LRRC8C: variants seen among roughly 807,000 people sequenced by gnomAD.
LRRC8C encodes the protein leucine rich repeat containing 8 VRAC subunit C, also known as volume-regulated anion channel subunit LRRC8C.
LRRC8C carries 20 observed loss-of-function variants against 55.3 expected under a neutral mutation model. The ratio of observed to expected loss-of-function variants is 0.36; its 90% CI spans 0.25 to 0.53. The LOEUF is 0.53. Among genes scored for constraint, LRRC8C ranks in the 20% least tolerant of loss-of-function variants. The probability of loss-of-function intolerance (pLI) is 0.92; values close to 1 mark genes in which losing one functional copy is unlikely to be tolerated. For missense variants in LRRC8C, 659 were observed against 951.4 expected, an observed-to-expected ratio of 0.69 and a Z score of 4.04; for synonymous variants, 376 against 360.7, an observed-to-expected ratio of 1.04 and a Z score of -0.48.
At chr1:89,681,951 G>A (rs1657725762) in intron 1 of LRRC8C, among the ~76,000 whole-genome samples, 1 of 152,198 alleles carries the variant, frequency 6.6e-6, no homozygotes, top group Non-Finnish European at 1.5e-5. Context: ...GCCGAGGTGA[G>A]CAGATCACGA....
chr1:89,644,480 G>A (rs148114002), intron 1 of LRRC8C, among the ~76,000 whole-genome samples: 254 of 152,342 alleles, frequency 1.7e-3, no homozygotes, highest in Middle Eastern at 3.4e-3. Flanking sequence ...GCATGGGAAT[G>A]CAACCAAAGC....
intron 1 of LRRC8C, among the ~76,000 whole-genome samples, chr1:89,681,468 A>T (rs7524636): frequency 0.97 from 147,930 of 152,292 alleles, 71,988 homozygotes; most frequent in Middle Eastern, 1. Context: ...TCTGTGTATT[A>T]GTCTGTCCTC....
chr1:89,618,086 C>A, the LRRC8C span, among the ~76,000 whole-genome samples: 1 of 152,154 alleles, frequency 6.6e-6, no homozygotes, highest in African/African-American at 2.4e-5. Flanking sequence ...TAAACTCAGT[C>A]TCCAGCCCCC....
At chr1:89,628,014 A>G in the LRRC8C span, among the ~76,000 whole-genome samples, 1 of 152,202 alleles carries the variant, frequency 6.6e-6, no homozygotes, top group Non-Finnish European at 1.5e-5. Context: ...TTCTGGTCCC[A>G]AGGAATTTGG....
the LRRC8C span, among the ~76,000 whole-genome samples, chr1:89,617,015 G>C: frequency 0.094 from 14,333 of 152,154 alleles, 2,199 homozygotes; most frequent in African/African-American, 0.33. Flanking sequence ...TCCCTCTGTT[G>C]CTATGTTTTA....
At chr1:89,664,632 T>A (rs566272782) in intron 1 of LRRC8C, among the ~76,000 whole-genome samples, 31 of 152,320 alleles carry the variant, frequency 2.0e-4, no homozygotes, top group African/African-American at 6.3e-4. Flanking sequence ...TGAGCTCTTT[T>A]TTGGTTCCAT....
At chr1:89,635,403 T>G (rs950059660) in intron 1 of LRRC8C, among the ~76,000 whole-genome samples, 2 of 152,184 alleles carry the variant, frequency 1.3e-5, no homozygotes, top group Admixed American at 6.5e-5. Context: ...TCTAGCTGCA[T>G]GCTAGATACC....
intron 1 of LRRC8C, among the ~76,000 whole-genome samples, chr1:89,637,940 A>G (rs1034180559): frequency 6.6e-6 from 1 of 152,168 alleles, no homozygotes; most frequent in Non-Finnish European, 1.5e-5. Flanking sequence ...TCTAAGTCTA[A>G]CATTCGGTGT....
At chr1:89,702,780 A>G (rs1477180379) in intron 2 of LRRC8C, among the ~76,000 whole-genome samples, 1 of 152,148 alleles carries the variant, frequency 6.6e-6, no homozygotes, top group Non-Finnish European at 1.5e-5. Flanking sequence ...CAATCAATAA[A>G]GTAGGTAGAT....
chr1:89,636,894 G>A lies in LRRC8C; in HGVS notation c.-5+3572G>A, dbSNP rs376680743. Among the ~76,000 whole-genome samples the A allele has an allele frequency of 2.0e-5, 3 of 152,136 alleles. No individual in the cohort carries two copies. In the East Asian group the frequency reaches 5.8e-4, roughly 29 times the overall value. Reference sequence around the variant, plus strand: ...AAAGACTATAAACTCTTTGACGTCAGGGATTTTTAAAAAATTTCTTTATAT... The same window carrying A: ...AAAGACTATAAACTCTTTGACGTCAAGGATTTTTAAAAAATTTCTTTATAT... On this transcript the variant is annotated intron_variant, in intron 1 of 2. Coordinates refer to ENST00000370454, the MANE Select transcript of LRRC8C (RefSeq NM_032270.5).
chr1:89,650,461 A>T (rs745340709), intron 1 of LRRC8C, among the ~76,000 whole-genome samples: 1 of 151,898 alleles, frequency 6.6e-6, no homozygotes, highest in Non-Finnish European at 1.5e-5. Context: ...CCAAAAATCT[A>T]CAAGACTGGA....
In LRRC8C at chr1:89,659,053, TTTTTTTTTTGTGTGTG is replaced by T. The variant is rs1322775129; in HGVS notation, c.-5+25733_-5+25748del. Among the ~76,000 whole-genome samples the T allele has an allele frequency of 5.9e-4, 35 of 59,368 alleles. 2 individuals carry two copies. The highest frequency in any genetic ancestry group is 3.0e-3 in the Admixed American group (18 of 5,938). 38.9% of individuals were successfully genotyped at this position (59,368 alleles called of 152,430 possible). A position where few individuals can be genotyped will look rare whatever the true frequency, so the allele number is the denominator to read the frequency against. On this transcript the variant is annotated intron_variant, in intron 1 of 2. Transcript: ENST00000370454. ...TTAGGTTGTGTCTTCTCCAGGTTTT[TTTTTTTTTTGTGTGTG>T]TGTGTGTGTGTGTGTGTGTGTGTGT...
chr1:89,616,155 T>G, the LRRC8C span, among the ~76,000 whole-genome samples: 15 of 152,092 alleles, frequency 9.9e-5, no homozygotes, highest in Admixed American at 6.6e-5. Context: ...ATATGCCAGG[T>G]CCTTCATGTT....
intron 2 of LRRC8C, among the ~76,000 whole-genome samples, chr1:89,709,812 C>T (rs1182848546): frequency 1.4e-5 from 2 of 147,836 alleles, no homozygotes; most frequent in African/African-American, 5.0e-5. Context: ...AGTGCAGTGG[C>T]GCGATCTCGG....
rs1658901921 is a variant in LRRC8C, at chr1:89,719,060, T to C, written c.*4078T>C. ...ATCCACTCATTCCATCTTCCCAAAGTCACTCACCGATAAAGGTAGCATCCT... is the reference window on the plus strand; with the variant it reads ...ATCCACTCATTCCATCTTCCCAAAGCCACTCACCGATAAAGGTAGCATCCT... On this transcript the variant is annotated 3_prime_UTR_variant, in exon 3 of 3. Transcript: ENST00000370454. 6.6e-6 allele frequency: 1 copy of C among 152,102 alleles called. No individual in the cohort carries two copies. The highest frequency in any genetic ancestry group is 2.4e-5 in the African/African-American group (1 of 41,422). The allele number at this position is 152,102 out of a possible 1,614,324, so 9.4% of individuals were successfully genotyped here. A position where few individuals can be genotyped will look rare whatever the true frequency, so the allele number is the denominator to read the frequency against.
At chr1:89,687,555 A>C (rs1341947015) in intron 2 of LRRC8C, among the ~76,000 whole-genome samples, 2 of 152,204 alleles carry the variant, frequency 1.3e-5, no homozygotes, top group Non-Finnish European at 2.9e-5. Flanking sequence ...AGATAGTGTC[A>C]GTAATAACAT....
At chr1:89,683,126 G>A (rs939339663) in intron 1 of LRRC8C, among the ~76,000 whole-genome samples, 2 of 152,166 alleles carry the variant, frequency 1.3e-5, no homozygotes, top group African/African-American at 4.8e-5. Context: ...ACATTTTTCT[G>A]ATGATAGCAG....
intron 1 of LRRC8C, chr1:89,661,437 A>G: frequency 4.2e-6 from 1 of 238,932 alleles, no homozygotes; most frequent in Non-Finnish European, 8.6e-6. Flanking sequence ...TCTTGGACTG[A>G]GTGATGATGT....
At chr1:89,639,386 G>C (rs2101177747) in intron 1 of LRRC8C, among the ~76,000 whole-genome samples, 2 of 152,210 alleles carry the variant, frequency 1.3e-5, no homozygotes, top group Middle Eastern at 6.8e-3. Context: ...GAAATTCTTG[G>C]CTTTCTCATG....
Sources: gnomAD v4.1 joint callset for allele counts (sites outside exome capture counted in the v4.1 genomes callset) on GRCh38, gnomAD v4.1.1 for gene constraint, MANE v1.5 for transcripts, NCBI Gene and HGNC (gene_info 2026-07-23, HGNC 2026-07-21) for gene names.